The following TRHDE variants were observed in gnomAD, a reference collection of about 807,000 sequenced individuals.
TRHDE encodes the protein thyrotropin-releasing hormone-degrading ectoenzyme.
Under a neutral mutation model 125.7 loss-of-function variants are expected in TRHDE, and 72 were observed. The ratio of observed to expected loss-of-function variants is 0.57; its 90% CI spans 0.47 to 0.70. TRHDE has a LOEUF of 0.70. TRHDE is among the 30% of genes least tolerant of loss of function. TRHDE has a pLI of 0.00. For synonymous variants in TRHDE, 509 were observed against 509.1 expected, an observed-to-expected ratio of 1.00 and a Z score of 0.00; for missense variants, 1,110 against 1,327.1, an observed-to-expected ratio of 0.84 and a Z score of 2.54.
chr12:72,614,788 T>A (rs1872756283), intron 12 of TRHDE, among the ~76,000 whole-genome samples: 1 of 152,116 alleles, frequency 6.6e-6, no homozygotes, highest in Non-Finnish European at 1.5e-5. Flanking sequence ...ACGCTACCCA[T>A]CTCAGTAAGA....
intron 6 of TRHDE, among the ~76,000 whole-genome samples, chr12:72,517,387 C>T (rs1485828440): frequency 1.4e-4 from 21 of 152,060 alleles, no homozygotes; most frequent in Non-Finnish European, 1.8e-4. Context: ...GTGCATGTGT[C>T]GAGGAATTTA....
chr12:72,591,250 T>A (rs1871665761), intron 12 of TRHDE, among the ~76,000 whole-genome samples: 1 of 152,222 alleles, frequency 6.6e-6, no homozygotes, highest in Non-Finnish European at 1.5e-5. Flanking sequence ...AAGATGAGAT[T>A]TGGGTGTGGA....
intron 12 of TRHDE, among the ~76,000 whole-genome samples, chr12:72,609,179 AAG>A (rs2136067086): frequency 6.6e-6 from 1 of 152,356 alleles, no homozygotes; most frequent in East Asian, 1.9e-4. Context: ...GAGATTTTCC[AAG>A]AAACACATGT....
At chr12:72,559,652 C>T (rs1264663305) in intron 7 of TRHDE, among the ~76,000 whole-genome samples, 3 of 152,078 alleles carry the variant, frequency 2.0e-5, no homozygotes, top group Admixed American at 6.6e-5. Context: ...TTAAAACATT[C>T]TTCTATTTTA....
chr12:72,334,255 G>A (rs1249658695), intron 2 of TRHDE, among the ~76,000 whole-genome samples: 2 of 152,240 alleles, frequency 1.3e-5, no homozygotes, highest in East Asian at 1.9e-4. Flanking sequence ...TTTCTTGCCA[G>A]AATTTTTCTT....
chr12:72,114,276 A>T (rs971485666), intron 2 of TRHDE, among the ~76,000 whole-genome samples: 1 of 152,048 alleles, frequency 6.6e-6, no homozygotes, highest in African/African-American at 2.4e-5. Context: ...GCAACAACTG[A>T]GGTGTTAGAT....
rs531405839 is a variant in TRHDE at position 72,621,991 on chromosome 12, A to G, written c.2675+240A>G. Among the ~76,000 whole-genome samples the G allele has an allele frequency of 9.1e-4, 139 of 152,222 alleles. 1 individual carries two copies. The highest frequency in any genetic ancestry group is 1.6e-3 in the Admixed American group (25 of 15,270). ...TATTAATTTAGGTCTTTATTTTTAA[A>G]TATATTTAAGTTGTCACCTTATTTC... On this transcript the variant is annotated intron_variant, in intron 15 of 18. Transcript: ENST00000261180.
intron 1 of TRHDE, among the ~76,000 whole-genome samples, chr12:72,276,499 C>T (rs60108802): frequency 6.6e-6 from 1 of 152,148 alleles, no homozygotes; most frequent in Non-Finnish European, 1.5e-5. Context: ...TTCTCAGAGA[C>T]CTGAGCAAAA....
intron 3 of TRHDE, among the ~76,000 whole-genome samples, chr12:72,429,308 C>T (rs997709730): frequency 2.0e-5 from 3 of 149,634 alleles, no homozygotes; most frequent in African/African-American, 2.5e-5. Flanking sequence ...CAAAACGTTA[C>T]GTTCTGCACA....
At chr12:72,478,938 A>AC (rs940313579) in intron 5 of TRHDE, among the ~76,000 whole-genome samples, 1 of 150,742 alleles carries the variant, frequency 6.6e-6, no homozygotes, top group Non-Finnish European at 1.5e-5. Context: ...AAAAAAAAAA[A>AC]AAACAAAAAC....
chr12:72,176,849 T>A (rs149621099), intron 2 of TRHDE, among the ~76,000 whole-genome samples: 297 of 152,338 alleles, frequency 1.9e-3, no homozygotes, highest in Non-Finnish European at 3.6e-3. Flanking sequence ...GATACCAAGG[T>A]TGCTGTGGAT....
chr12:72,557,653 C>G (rs973622540), intron 7 of TRHDE, among the ~76,000 whole-genome samples: 3 of 152,066 alleles, frequency 2.0e-5, no homozygotes, highest in Non-Finnish European at 2.9e-5. Context: ...TTTACTTTTC[C>G]CCTTGTCTTT....
At chr12:72,519,919 T>G (rs1042110535) in intron 6 of TRHDE, among the ~76,000 whole-genome samples, 1 of 152,124 alleles carries the variant, frequency 6.6e-6, no homozygotes, top group African/African-American at 2.4e-5. Context: ...GGTGTCAGTC[T>G]GCTGCTAGGG....
chr12:72,349,295 CCTGA>C lies in TRHDE; in HGVS notation c.1189-28697_1189-28694del, dbSNP rs368071248. 5.5e-4 allele frequency among the ~76,000 whole-genome samples: 84 copies of C among 152,068 alleles called. 1 individual carries two copies. In the South Asian group the frequency reaches 9.6e-3, roughly 17 times the overall value. On this transcript the variant is annotated intron_variant, in intron 2 of 18. Coordinates refer to ENST00000261180, the MANE Select transcript of TRHDE (RefSeq NM_013381.3). The stretch of plus-strand genomic sequence containing the variant: ...AATACATGGTTTCATTTCTAAACTG[CCTGA>C]CTATTTTATTGCCTTTATTAGACAA...
chr12:72,199,759 C>G (rs1056265681), intron 2 of TRHDE, among the ~76,000 whole-genome samples: 1 of 152,170 alleles, frequency 6.6e-6, no homozygotes, highest in Non-Finnish European at 1.5e-5. Flanking sequence ...GTTCATTATT[C>G]ATTCAGTGAA....
chr12:72,313,997 A>G (rs1037410148), intron 2 of TRHDE, among the ~76,000 whole-genome samples: 7 of 152,182 alleles, frequency 4.6e-5, no homozygotes, highest in African/African-American at 7.2e-5. Flanking sequence ...GGGAGCAAGG[A>G]AAGCCTATAT....
chr12:72,184,058 A>C (rs1877151616), intron 2 of TRHDE, among the ~76,000 whole-genome samples: 1 of 152,228 alleles, frequency 6.6e-6, no homozygotes, highest in African/African-American at 2.4e-5. Context: ...AAATAGCTAG[A>C]AGCAGTACAA....
chr12:72,184,192 C>T (rs1877155131), intron 2 of TRHDE, among the ~76,000 whole-genome samples: 1 of 151,984 alleles, frequency 6.6e-6, no homozygotes, highest in Non-Finnish European at 1.5e-5. Flanking sequence ...TTTCTTGCTA[C>T]CCTTAGGGGC....
chr12:72,352,311 T>C (rs1870618462), intron 2 of TRHDE, among the ~76,000 whole-genome samples: 1 of 151,790 alleles, frequency 6.6e-6, no homozygotes, highest in South Asian at 2.1e-4. Context: ...TGGATGCAGA[T>C]AGAAACAATT....
Sources: gnomAD v4.1 joint callset for allele counts (sites outside exome capture counted in the v4.1 genomes callset) on GRCh38, gnomAD v4.1.1 for gene constraint, MANE v1.5 for transcripts, NCBI Gene and HGNC (gene_info 2026-07-23, HGNC 2026-07-21) for gene names.